The following RIOK2 variants were observed in gnomAD, a reference collection of about 807,000 sequenced individuals.
RIOK2 encodes the protein RIO kinase 2.
Under a neutral mutation model 62.4 loss-of-function variants are expected in RIOK2, and 46 were observed. The observed-to-expected ratio is 0.74, with a 90% CI of 0.58 to 0.94. The LOEUF is 0.94. Ranked by LOEUF, RIOK2 falls within the 40% of genes least tolerant of loss-of-function variation. The pLI is 0.00. For synonymous variants in RIOK2, 197 were observed against 216.0 expected, an observed-to-expected ratio of 0.91 and a Z score of 0.77; for missense variants, 574 against 658.0, an observed-to-expected ratio of 0.87 and a Z score of 1.40.
chr5:97,183,165 C>G lies in RIOK2; in HGVS notation c.27G>C (p.Leu9Phe). ...TGAAGTCATCTCGGCTCATGTAACG[C>G]AACTTGGCCACATTCACTTTCCCCA... is the stretch of plus-strand genomic sequence containing the variant. Reference protein sequence around the residue: MGKVNVAKLRYMSRDDFRV... With the variant: MGKVNVAKFRYMSRDDFRV... Residue 9 changes from leucine to phenylalanine, a missense_variant, in exon 1 of 10, where the codon TTG (leucine) becomes TTC (phenylalanine). Coordinates refer to ENST00000283109, the MANE Select transcript of RIOK2 (RefSeq NM_018343.3). The G allele has an allele frequency of 1.9e-6, 3 of 1,614,142 alleles. No individual in the cohort carries two copies. The highest frequency in any genetic ancestry group is 2.5e-6 in the Non-Finnish European group (3 of 1,179,998).
intron 1 of RIOK2, 194 bp downstream of exon 1, chr5:97,182,932 T>C (rs1749463289): frequency 2.9e-6 from 2 of 693,972 alleles, no homozygotes; most frequent in Admixed American, 2.1e-5. Flanking sequence ...CTTTGCTCTA[T>C]CTGGGGGAAG....
intron 2 of RIOK2, chr5:97,178,690 C>CTACCTGCTCTTCTGCAGTACTT (rs1749248492): frequency 3.7e-6 from 1 of 272,000 alleles, no homozygotes; most frequent in African/African-American, 4.0e-5. Context: ...CTGCAGTACT[C>CTACCTGCTCTTCTGCAGTACTT]TACCTGCTCT....
intron 4 of RIOK2, among the ~76,000 whole-genome samples, chr5:97,174,651 T>C (rs1174190887): frequency 6.6e-6 from 1 of 152,050 alleles, no homozygotes; most frequent in Non-Finnish European, 1.5e-5. Flanking sequence ...CAAAATGCAC[T>C]GTCTTAGGGT....
intron 8 of RIOK2, chr5:97,166,753 TAG>T: frequency 1.0e-6 from 1 of 985,820 alleles, no homozygotes; most frequent in Non-Finnish European, 1.2e-6. Flanking sequence ...ATGTTTCATA[TAG>T]AAAGTACATT....
At chr5:97,179,380 G>T (rs191194810) in intron 1 of RIOK2, among the ~76,000 whole-genome samples, 187 bp from the exon 2 acceptor site, 167 of 152,218 alleles carry the variant, frequency 1.1e-3, no homozygotes, top group East Asian at 6.2e-3. Context: ...ATTGATATTT[G>T]TATTGGCTTT....
intron 6 of RIOK2, among the ~76,000 whole-genome samples, chr5:97,169,820 G>A (rs547560423): frequency 1.3e-5 from 2 of 152,136 alleles, no homozygotes; most frequent in African/African-American, 2.4e-5. Context: ...TCCATAGAAC[G>A]ATGCAGCCTA....
Position 97,168,003 on chromosome 5 carries a change from AG to A in RIOK2, c.873-13del. 6.4e-7 allele frequency: 1 copy of A among 1,570,340 alleles called. No individual in the cohort carries two copies. The highest frequency in any genetic ancestry group is 8.6e-7 in the Non-Finnish European group (1 of 1,168,020). On this transcript the variant is annotated splice_polypyrimidine_tract_variant and intron_variant, in intron 7 of 9. Transcript: ENST00000283109. The stretch of plus-strand genomic sequence containing the variant: ...GAGTGTCTTCTCTCCTAGAAAAAAA[AG>A]GCGTCAAGCATAGAAAGAGAGAAAA...
intron 6 of RIOK2, 38 bp downstream of exon 6, chr5:97,171,168 T>C: frequency 3.9e-6 from 5 of 1,294,386 alleles, no homozygotes; most frequent in Non-Finnish European, 5.0e-6. Flanking sequence ...TCCAAAAAAA[T>C]AAAATAAAAT....
intron 4 of RIOK2, among the ~76,000 whole-genome samples, chr5:97,174,889 A>G (rs907165947): frequency 6.6e-6 from 1 of 152,004 alleles, no homozygotes; most frequent in Admixed American, 6.6e-5. Flanking sequence ...CCTGGGCAAC[A>G]CAGCAAGGTC....
Position 97,162,959 on chromosome 5 carries a change from T to C in RIOK2, c.*102A>G. 1.1e-6 allele frequency: 1 copy of C among 942,232 alleles called. No individual in the cohort carries two copies. The highest frequency in any genetic ancestry group is 1.5e-6 in the Non-Finnish European group (1 of 646,950). The allele number at this position is 942,232 out of a possible 1,614,324, so 58.4% of individuals were successfully genotyped here. ...TATAGATGAAAGAGGGTTTATTTAT[T>C]AATATATGATAGCCTTGGCTCAAAA... On this transcript the variant is annotated 3_prime_UTR_variant, in exon 10 of 10. Coordinates refer to ENST00000283109, the MANE Select transcript of RIOK2 (RefSeq NM_018343.3).
intron 8 of RIOK2, chr5:97,166,391 A>T: frequency 4.7e-6 from 2 of 428,896 alleles, no homozygotes; most frequent in Non-Finnish European, 9.3e-6. Flanking sequence ...AAAGGAACAA[A>T]ATTCTCATGT....
At chr5:97,181,986 T>A (rs1397335244) in intron 1 of RIOK2, among the ~76,000 whole-genome samples, 1 of 152,228 alleles carries the variant, frequency 6.6e-6, no homozygotes, top group Non-Finnish European at 1.5e-5. Flanking sequence ...AGATTAATTT[T>A]AAAAATCCAA....
chr5:97,166,275 C>G (rs1282614893), intron 8 of RIOK2: 1 of 454,466 alleles, frequency 2.2e-6, no homozygotes, highest in African/African-American at 2.0e-5. Flanking sequence ...ACTCAAAATC[C>G]TGAGCCTCTG....
At chr5:97,177,949 T>C (rs918462304) in intron 2 of RIOK2, 101 bp from the exon 3 acceptor site, 21 of 729,436 alleles carry the variant, frequency 2.9e-5, no homozygotes, top group Admixed American at 7.6e-5. Flanking sequence ...AAAGTCTTCA[T>C]TGGAAAAAGA....
chr5:97,176,608 T>C (rs1187017235), intron 4 of RIOK2, among the ~76,000 whole-genome samples: 2 of 152,188 alleles, frequency 1.3e-5, no homozygotes, highest in Non-Finnish European at 2.9e-5. Flanking sequence ...AGTGCTGGTA[T>C]TATAGGCATG....
Position 97,162,633 on chromosome 5 carries a change from C to G in RIOK2, c.*428G>C, listed in dbSNP as rs1012378639. 1 of 155,730 alleles carries G rather than the reference C, an allele frequency of 6.4e-6. No homozygotes were observed. The highest frequency in any genetic ancestry group is 2.4e-5 in the African/African-American group (1 of 41,500). The allele number at this position is 155,730 out of a possible 1,614,324, so 9.6% of individuals were successfully genotyped here. Reference sequence around the variant, plus strand: ...AAGAAAAATAAGACAGTGAAGTCCTCCAGTTGCCAAATAAAATGCAACCAA... The same window carrying G: ...AAGAAAAATAAGACAGTGAAGTCCTGCAGTTGCCAAATAAAATGCAACCAA... On this transcript the variant is annotated 3_prime_UTR_variant, in exon 10 of 10. Coordinates refer to ENST00000283109, the MANE Select transcript of RIOK2 (RefSeq NM_018343.3).
chr5:97,166,459 A>AC, intron 8 of RIOK2: 1 of 241,986 alleles, frequency 4.1e-6, no homozygotes, highest in African/African-American at 2.3e-5. Flanking sequence ...AAGCCCAAAC[A>AC]TGTACTGAAA....
In RIOK2 at chr5:97,167,796, C is replaced by T; in HGVS notation, c.1068G>A (p.Arg356=). Reference sequence around the variant, plus strand: ...AGCCCTCTGATTCTTCTAGACAGTTCCGTTCACTTTCATTTTCTGACCCGT... The same window carrying T: ...AGCCCTCTGATTCTTCTAGACAGTTTCGTTCACTTTCATTTTCTGACCCGT... ...EVYGSENESE[R]NCLEESEGCY... The change falls in exon 8 of 10, where the codon CGG becomes CGA. Residue 356 remains arginine (R), a synonymous_variant. Coordinates refer to ENST00000283109, the MANE Select transcript of RIOK2 (RefSeq NM_018343.3). 6.2e-7 allele frequency: 1 copy of T among 1,614,160 alleles called. No individual in the cohort carries two copies. The highest frequency in any genetic ancestry group is 2.2e-5 in the East Asian group (1 of 44,876).
At chr5:97,182,790 G>C in intron 1 of RIOK2, 4 of 224,024 alleles carry the variant, frequency 1.8e-5, no homozygotes, top group Admixed American at 1.1e-4. Context: ...GGGGGGGGGG[G>C]GGGCTTAAAC....
Sources: allele counts gnomAD v4.1 joint callset (sites outside exome capture counted in the v4.1 genomes callset), GRCh38; gene constraint gnomAD v4.1.1; transcripts MANE v1.5; gene names NCBI Gene and HGNC (gene_info 2026-07-23, HGNC 2026-07-21).